The following ENPP1 variants were observed in gnomAD, a reference collection of about 807,000 sequenced individuals.
The protein encoded by ENPP1 is ectonucleotide pyrophosphatase/phosphodiesterase family member 1.
In ENPP1, 73 loss-of-function variants were observed where a neutral mutation model predicts 122.8. The observed-to-expected ratio is 0.59, with a 90% CI of 0.49 to 0.72. The LOEUF (loss-of-function observed/expected upper bound fraction) is 0.72, where lower values mean the gene tolerates loss of function less well. ENPP1 is among the 30% of genes least tolerant of loss of function. The pLI, the probability that ENPP1 is intolerant of heterozygous loss-of-function variation, is 0.00. For synonymous variants in ENPP1, 367 were observed against 391.6 expected (o/e 0.94, Z 0.74); for missense variants, 978 against 1,128.1 (o/e 0.87, Z 1.91).
rs556698917 is a variant in ENPP1 at position 131,831,296 on chromosome 6, T to C, written c.241-16480T>C. ...AGATTTACAGAAAAGCTGTGAAGCT[T>C]GTGCAGAGTTCCATATACTCCATGC... is the stretch of plus-strand genomic sequence containing the variant. On this transcript the variant is annotated intron_variant, in intron 1 of 24. Transcript: ENST00000647893. Among the ~76,000 whole-genome samples the C allele has an allele frequency of 5.3e-5, 8 of 152,268 alleles. No individual in the cohort carries two copies. The South Asian group carries it at 1.7e-3, about 32-fold the overall frequency.
intron 1 of ENPP1, among the ~76,000 whole-genome samples, chr6:131,843,241 A>C (rs576164801): frequency 6.6e-6 from 1 of 152,338 alleles, no homozygotes; most frequent in East Asian, 1.9e-4. Context: ...GTAACAAAGT[A>C]GTAGATATTC....
intron 9 of ENPP1, among the ~76,000 whole-genome samples, chr6:131,862,750 C>T (rs917311502): frequency 6.6e-6 from 1 of 152,210 alleles, no homozygotes; most frequent in African/African-American, 2.4e-5. Context: ...TGAGATTTTA[C>T]ACTAGTGATG....
At chr6:131,872,855 C>A in intron 14 of ENPP1, 68 bp from the exon 15 acceptor site, 1 of 1,479,326 alleles carries the variant, frequency 6.8e-7, no homozygotes. Context: ...ATATCTTTCC[C>A]TAAAAAAGTT....
intron 1 of ENPP1, chr6:131,828,121 TC>T (rs1781568120): frequency 1.5e-5 from 9 of 584,756 alleles, no homozygotes; most frequent in Middle Eastern, 2.9e-4. Context: ...AGTCCTGCTG[TC>T]AGTGGAGGTC....
At position 131,858,719 on chromosome 6, in the gene ENPP1, C is replaced by T. The variant is rs1292891004; in HGVS notation, c.767C>T (p.Thr256Ile). The T allele has an allele frequency of 3.7e-6, 6 of 1,612,370 alleles. No individual in the cohort carries two copies. The highest frequency in any genetic ancestry group is 3.3e-5 in the Admixed American group (2 of 60,010). ...KNMRPVYPTK[T>I]FPNHYSIVTG... Reference sequence around the variant, plus strand: ...ATGAGACCGGTATATCCAACAAAAACTTTCCCCAATCACTACAGCATTGTC... The same window carrying T: ...ATGAGACCGGTATATCCAACAAAAATTTTCCCCAATCACTACAGCATTGTC... Residue 256 changes from threonine to isoleucine, a missense_variant, in exon 7 of 25, where the codon ACT (threonine) becomes ATT (isoleucine). Physicochemically the swap from Thr to Ile is moderately conservative, Grantham distance 89. Coordinates refer to ENST00000647893, the MANE Select transcript of ENPP1 (RefSeq NM_006208.3).
rs372831334 is a variant in ENPP1 at position 131,874,384 on chromosome 6, T to C, written c.1635+47T>C. ...AATTGGATTAAATCTAAAGAAAAAA[T>C]GATATGCAAAGTTTTAGACTTGAAA... On this transcript the variant is annotated intron_variant, in intron 16 of 24. Transcript: ENST00000647893. 9 of 1,079,708 alleles carry C rather than the reference T, an allele frequency of 8.3e-6. No individual in the cohort carries two copies. The African/African-American group carries it at 1.4e-4, about 17-fold the overall frequency. 66.9% of individuals were successfully genotyped at this position (1,079,708 alleles called of 1,614,324 possible).
rs762457657 is a variant in ENPP1 at position 131,875,784 on chromosome 6, T to C, written c.1644T>C (p.Phe548=). ...DNVFSNMQAL[F]VGYGPGFKHG... is the part of the protein sequence containing the mutation. ...CTTTTCTGGCCATCTAGGCCCTCTT[T>C]GTTGGCTATGGACCTGGATTCAAGC... is the stretch of plus-strand genomic sequence containing the variant. The change falls in exon 17 of 25, where the codon TTT becomes TTC. Residue 548 remains phenylalanine (F), a synonymous_variant. Transcript: ENST00000647893. 6.2e-7 allele frequency: 1 copy of C among 1,613,978 alleles called. No homozygotes were observed. The highest frequency in any genetic ancestry group is 2.2e-5 in the East Asian group (1 of 44,882).
At chr6:131,873,842 A>G (rs1436709022) in intron 15 of ENPP1, among the ~76,000 whole-genome samples, 1 of 151,898 alleles carries the variant, frequency 6.6e-6, no homozygotes, top group African/African-American at 2.4e-5. Flanking sequence ...TGAAAGGAGA[A>G]ATGGTCCTAT....
chr6:131,853,466 C>T (rs192157457), intron 5 of ENPP1, among the ~76,000 whole-genome samples: 5 of 152,252 alleles, frequency 3.3e-5, no homozygotes, highest in African/African-American at 1.2e-4. Flanking sequence ...TATTATTACA[C>T]TGGATAATTT....
intron 14 of ENPP1, among the ~76,000 whole-genome samples, 177 bp downstream of exon 14, chr6:131,872,278 G>A (rs1782172036): frequency 6.6e-6 from 1 of 151,914 alleles, no homozygotes; most frequent in South Asian, 2.1e-4. Flanking sequence ...AATAATCCAG[G>A]TTTGAAAAAT....
In ENPP1 at chr6:131,890,324, A is replaced by G. The variant is rs1481080245; in HGVS notation, c.2608-17A>G. On this transcript the variant is annotated splice_polypyrimidine_tract_variant and intron_variant, in intron 24 of 24. Transcript: ENST00000647893. Reference sequence around the variant, plus strand: ...GTTCTCTTGGTAACTTTTCTTTTATATTTCCTATTCTCCTAGCATGGGAAG... The same window carrying G: ...GTTCTCTTGGTAACTTTTCTTTTATGTTTCCTATTCTCCTAGCATGGGAAG... The G allele has an allele frequency of 1.9e-6, 3 of 1,609,498 alleles. No homozygotes were observed. The Admixed American group carries it at 5.0e-5, about 27-fold the overall frequency.
intron 9 of ENPP1, among the ~76,000 whole-genome samples, chr6:131,862,913 TG>T (rs150672239): frequency 0.019 from 2,851 of 152,028 alleles, 103 homozygotes; most frequent in African/African-American, 0.062. Flanking sequence ...TCTGTGTGTG[TG>T]TTTTTTTTTT....
At position 131,881,136 on chromosome 6, in the gene ENPP1, A is replaced by C. The variant is rs148335941; in HGVS notation, c.2100+1102A>C. Reference sequence around the variant, plus strand: ...GAGCATAGTGGAGGGCAGCAGTTTGATTTAAAAAATAAAATGATTTTTACT... The same window carrying C: ...GAGCATAGTGGAGGGCAGCAGTTTGCTTTAAAAAATAAAATGATTTTTACT... On this transcript the variant is annotated intron_variant, in intron 20 of 24. Transcript: ENST00000647893. Among the ~76,000 whole-genome samples the C allele has an allele frequency of 9.2e-3, 1,395 of 152,310 alleles. 22 individuals carry two copies. The highest frequency in any genetic ancestry group is 0.068 in the Middle Eastern group (20 of 294).
rs140470927 is a variant in ENPP1 at position 131,879,932 on chromosome 6, G to A, written c.1998G>A (p.Gln666=). 3.6e-5 allele frequency: 58 copies of A among 1,613,300 alleles called. No individual in the cohort carries two copies. Among genetic ancestry groups the A allele is most frequent in the Non-Finnish European group, 4.8e-5 (57 of 1,179,406 alleles). The change falls in exon 20 of 25, where the codon CAG becomes CAA. Residue 666 remains glutamine, a synonymous_variant. Transcript: ENST00000647893. The part of the protein sequence containing the change: ...TLPYGRPRVL[Q]KENTICLLSQ... Reference sequence around the variant, plus strand: ...CCTATGGAAGACCTAGAGTTCTCCAGAAGGAAAACACCATCTGTCTTCTTT... The same window carrying A: ...CCTATGGAAGACCTAGAGTTCTCCAAAAGGAAAACACCATCTGTCTTCTTT...
At chr6:131,870,584 T>C (rs976416718) in intron 13 of ENPP1, among the ~76,000 whole-genome samples, 4 of 152,192 alleles carry the variant, frequency 2.6e-5, no homozygotes, top group Non-Finnish European at 5.9e-5. Flanking sequence ...GTTGGTCTAT[T>C]TGGTAAGATA....
At chr6:131,858,850 C>G in intron 7 of ENPP1, 103 bp downstream of exon 7, 1 of 876,476 alleles carries the variant, frequency 1.1e-6, no homozygotes. Flanking sequence ...AACTTATTTT[C>G]CAATAGGTAG....
At chr6:131,866,499 C>T (rs1487814561) in intron 11 of ENPP1, among the ~76,000 whole-genome samples, 2 of 152,186 alleles carry the variant, frequency 1.3e-5, no homozygotes, top group African/African-American at 4.8e-5. Context: ...CTGCCTAAAC[C>T]ATCTTCCCTT....
intron 18 of ENPP1, chr6:131,877,664 A>G (rs1782247711): frequency 6.5e-6 from 1 of 153,708 alleles, no homozygotes; most frequent in Non-Finnish European, 1.4e-5. Flanking sequence ...ATAAAAAGAT[A>G]AAAATACTAG....
intron 7 of ENPP1, among the ~76,000 whole-genome samples, chr6:131,859,942 A>G (rs969030845): frequency 7.9e-5 from 12 of 152,148 alleles, no homozygotes; most frequent in African/African-American, 2.9e-4. Flanking sequence ...ATTCATGAAA[A>G]ACAGTTTGCT....
Sources: gnomAD v4.1 joint callset for allele counts (sites outside exome capture counted in the v4.1 genomes callset) on GRCh38, gnomAD v4.1.1 for gene constraint, MANE v1.5 for transcripts, NCBI Gene and HGNC (gene_info 2026-07-23, HGNC 2026-07-21) for gene names.